HECTD4: variants seen among roughly 807,000 people sequenced by gnomAD.
The protein encoded by HECTD4 is probable E3 ubiquitin-protein ligase HECTD4.
In HECTD4, 114 loss-of-function variants were observed where a neutral mutation model predicts 471.5. That is an observed-to-expected ratio of 0.24 (90% CI 0.21 to 0.28). The LOEUF (loss-of-function observed/expected upper bound fraction) is 0.28. Among genes scored for constraint, HECTD4 ranks in the 10% least tolerant of loss-of-function variants. The pLI is 1.00. For missense variants in HECTD4, 3,866 were observed against 5,651.5 expected, an observed-to-expected ratio of 0.68 and a Z score of 10.13; for synonymous variants, 2,012 against 2,256.0, an observed-to-expected ratio of 0.89 and a Z score of 3.07.
chr12:112,366,698 T>C (rs888562486), intron 1 of HECTD4, among the ~76,000 whole-genome samples: 1 of 151,796 alleles, frequency 6.6e-6, no homozygotes, highest in Non-Finnish European at 1.5e-5. Flanking sequence ...CTGGCCAACA[T>C]GGTGAAACCC....
In HECTD4 at chr12:112,244,338, C is replaced by T. The variant is rs182346500; in HGVS notation, c.4514-329G>A. On this transcript the variant is annotated intron_variant, in intron 29 of 75. Transcript: ENST00000682272. ...GCAATGGAGGACATAGAAAGTATTG[C>T]CGAAAATCACAAATTTCTTTTTTTT... 3.5e-4 allele frequency among the ~76,000 whole-genome samples: 54 copies of T among 152,182 alleles called. 1 individual carries two copies. The highest frequency in any genetic ancestry group is 5.9e-4 in the Non-Finnish European group (40 of 68,006).
intron 1 of HECTD4, among the ~76,000 whole-genome samples, chr12:112,363,630 A>T (rs1331809864): frequency 6.6e-6 from 1 of 152,058 alleles, no homozygotes; most frequent in East Asian, 1.9e-4. Flanking sequence ...ATTTTCAGAA[A>T]TCTCTCTGGA....
Position 112,179,372 on chromosome 12 carries a change from T to G in HECTD4, c.11013A>C (p.Arg3671Ser). Residue 3671 changes from arginine to serine, a missense_variant, in exon 63 of 76, where the codon AGA becomes AGC. By Grantham distance (110) the Arg-to-Ser change is moderately radical. Around this residue, in one of 16 missense-constraint regions of HECTD4, gnomAD observed 715 missense variants for 1,087.6 expected, o/e 0.66. Transcript: ENST00000682272. This position sits in a 1 kb window ranked among gnomAD's most constrained non-coding sequence, Gnocchi z 4.3. The part of the protein sequence containing the change: ...IKGEKLVPGA[R>S]EVLTEIFKSC... ...TCTTAAATATCTCCGTCAGAACCTC[T>G]CTGGCTCCGGGCACCAGCTTCTCCC... 6.2e-7 allele frequency: 1 copy of G among 1,612,470 alleles called. No individual in the cohort carries two copies.
chr12:112,306,242 T>A lies in HECTD4; in HGVS notation c.1165-8A>T, dbSNP rs1174614347. On this transcript the variant is annotated splice_polypyrimidine_tract_variant and splice_region_variant and intron_variant, in intron 6 of 75. Transcript: ENST00000682272. ...TGGCACCACCTGGCACACCTGGGCATGAAAGGGAGGAAATCTCCATTAGAG... is the reference window on the plus strand; with the variant it reads ...TGGCACCACCTGGCACACCTGGGCAAGAAAGGGAGGAAATCTCCATTAGAG... 1 of 1,521,898 alleles carries A rather than the reference T, an allele frequency of 6.6e-7. No individual in the cohort carries two copies. Among genetic ancestry groups the A allele is most frequent in the South Asian group, 1.3e-5 (1 of 76,122 alleles). 94.3% of individuals were successfully genotyped at this position (1,521,898 alleles called of 1,614,324 possible).
At position 112,248,532 on chromosome 12, in the gene HECTD4, C is replaced by A. The variant is rs766886691; in HGVS notation, c.3951-20G>T. On this transcript the variant is annotated intron_variant, in intron 25 of 75. Coordinates refer to ENST00000682272, the MANE Select transcript of HECTD4 (RefSeq NM_001388303.1). ...ACTTCTCTGTGATCACAATGGAAAT[C>A]AGTCAGATATATGCCATGCTCTCAG... 1.9e-6 allele frequency: 3 copies of A among 1,550,940 alleles called. No individual in the cohort carries two copies. In the Admixed American group the frequency reaches 5.7e-5, roughly 29 times the overall value.
At chr12:112,375,633 T>A (rs2036761999) in intron 1 of HECTD4, among the ~76,000 whole-genome samples, 1 of 152,192 alleles carries the variant, frequency 6.6e-6, no homozygotes, top group South Asian at 2.1e-4. Flanking sequence ...TATTCCTTCT[T>A]TTCCCCCTCT....
chr12:112,172,711 G>A lies in HECTD4; in HGVS notation c.11745C>T (p.Asp3915=). ...ARLHPHEVYL[D]PADAADPRVA... ...CTCTGGGGTCAGCAGCATCCGCGGG[G>A]TCCAGGTACACCTCATGGGGATGGA... The change falls in exon 67 of 76, where the codon GAC becomes GAT. Residue 3915 remains aspartate, a synonymous_variant. Transcript: ENST00000682272. 6.2e-7 allele frequency: 1 copy of A among 1,614,032 alleles called. No individual in the cohort carries two copies. The highest frequency in any genetic ancestry group is 8.5e-7 in the Non-Finnish European group (1 of 1,179,906).
At chr12:112,266,473 G>A (rs987958415) in intron 14 of HECTD4, among the ~76,000 whole-genome samples, 8 of 152,216 alleles carry the variant, frequency 5.3e-5, no homozygotes, top group African/African-American at 1.9e-4. Context: ...AAGCATATAT[G>A]CAGATACATT....
At chr12:112,368,872 G>A (rs2036615187) in intron 1 of HECTD4, among the ~76,000 whole-genome samples, 1 of 151,984 alleles carries the variant, frequency 6.6e-6, no homozygotes, top group Non-Finnish European at 1.5e-5. Flanking sequence ...TTTCACATAG[G>A]TAAAAAAAAT....
chr12:112,334,637 CAAAAAA>C (rs869292531), intron 1 of HECTD4, among the ~76,000 whole-genome samples: 116 of 45,276 alleles, frequency 2.6e-3, no homozygotes, highest in African/African-American at 7.9e-3. Context: ...ACTAAAAATA[CAAAAAA>C]AAAAAAAAAA....
chr12:112,170,554 CCCCTGGTGG>C, intron 68 of HECTD4, 102 bp from the exon 69 acceptor site: 1 of 1,460,756 alleles, frequency 6.8e-7, no homozygotes, highest in South Asian at 1.2e-5. Flanking sequence ...ACTCTCAGGC[CCCCTGGTGG>C]CAGTAGAGCC....
intron 7 of HECTD4, among the ~76,000 whole-genome samples, chr12:112,284,840 CTTTTT>C (rs543045322): frequency 1.3e-5 from 2 of 151,436 alleles, no homozygotes; most frequent in Non-Finnish European, 2.9e-5. Context: ...CTTTTTGTTT[CTTTTT>C]TTTGAGACAG....
chr12:112,335,458 C>T (rs1173397422), intron 1 of HECTD4, among the ~76,000 whole-genome samples: 1 of 151,976 alleles, frequency 6.6e-6, no homozygotes, highest in African/African-American at 2.4e-5. Flanking sequence ...TTTGGGAGGC[C>T]GAGGTGGGCA....
chr12:112,170,558 T>C, intron 68 of HECTD4, 106 bp from the exon 69 acceptor site: 2 of 1,447,738 alleles, frequency 1.4e-6, no homozygotes, highest in Non-Finnish European at 1.9e-6. Flanking sequence ...TCAGGCCCCC[T>C]GGTGGCAGTA....
At chr12:112,227,964 T>A in intron 43 of HECTD4, 125 bp downstream of exon 43, 2 of 811,834 alleles carry the variant, frequency 2.5e-6, no homozygotes, top group Non-Finnish European at 3.7e-6. Flanking sequence ...TTACTGTTGC[T>A]CAGTTTAGTG....
rs144154192 is a variant in HECTD4 at position 112,206,484 on chromosome 12, G to A, written c.8131+1390C>T. ...TACTCCAGCCCAGTTAATATAGAGC[G>A]AGACTCTCTCAAAAAAATAATAAAA... On this transcript the variant is annotated intron_variant, in intron 52 of 75. Transcript: ENST00000682272. Among the ~76,000 whole-genome samples, 66 of 150,872 alleles carry A rather than the reference G, an allele frequency of 4.4e-4. 1 individual carries two copies. In the East Asian group the frequency reaches 9.5e-3, roughly 22 times the overall value.
At chr12:112,240,717 C>T (rs2033623003) in intron 32 of HECTD4, among the ~76,000 whole-genome samples, 1 of 152,126 alleles carries the variant, frequency 6.6e-6, no homozygotes, top group Non-Finnish European at 1.5e-5. Flanking sequence ...TCCCAAAGTG[C>T]TGGGATTACA....
rs758246817 is a variant in HECTD4 at position 112,226,757 on chromosome 12, C to T, written c.6856G>A (p.Ala2286Thr). The T allele has an allele frequency of 4.4e-6, 7 of 1,596,948 alleles. No homozygotes were observed. In the East Asian group the frequency reaches 9.0e-5, roughly 20 times the overall value. The change falls in exon 44 of 76, where the codon GCA (alanine) becomes ACA (threonine). Residue 2286 changes from alanine to threonine, a missense_variant and splice_region_variant. Coordinates refer to ENST00000682272, the MANE Select transcript of HECTD4 (RefSeq NM_001388303.1). ...VRLLAEIRTR[A>T]CLVMAQLLED... The stretch of plus-strand genomic sequence containing the variant: ...AAAAGCTGGGCCATGACCAGGCATG[C>T]TCTTAATGTTAAAAGATTTACAATA...
At chr12:112,315,190 G>A (rs1262055967) in intron 2 of HECTD4, among the ~76,000 whole-genome samples, 3 of 152,136 alleles carry the variant, frequency 2.0e-5, no homozygotes, top group African/African-American at 7.2e-5. Context: ...CTTTTAAGAT[G>A]CACAAGACTT....
Sources: gnomAD v4.1 joint callset for allele counts (sites outside exome capture counted in the v4.1 genomes callset) on GRCh38, gnomAD v4.1.1 for gene constraint, gnomAD v4.1.1 regional missense constraint, Gnocchi (gnomAD v3.1) non-coding constraint, MANE v1.5 for transcripts, NCBI Gene and HGNC (gene_info 2026-07-23, HGNC 2026-07-21) for gene names.